Variants in MKLN1 observed in about 807,000 individuals in gnomAD.
MKLN1 encodes the protein muskelin.
Under a neutral mutation model 99.0 loss-of-function variants are expected in MKLN1, and 18 were observed. That is an observed-to-expected ratio of 0.18 (90% confidence interval 0.13 to 0.27). The LOEUF is 0.27. Ranked by LOEUF, MKLN1 falls within the 10% of genes least tolerant of loss-of-function variation. The probability of loss-of-function intolerance (pLI) is 1.00; values close to 1 mark genes in which losing one functional copy is unlikely to be tolerated. For synonymous variants in MKLN1, 288 were observed against 293.2 expected, an observed-to-expected ratio of 0.98 and a Z score of 0.18; for missense variants, 621 against 875.9, an observed-to-expected ratio of 0.71 and a Z score of 3.67.
intron 1 of MKLN1, among the ~76,000 whole-genome samples, chr7:131,344,455 G>A (rs986488215): frequency 8.5e-5 from 13 of 152,116 alleles, no homozygotes; most frequent in Non-Finnish European, 1.5e-5. Context: ...AAAATTTTAA[G>A]TACTCTTATG....
chr7:131,324,351 C>G (rs1798842378), upstream of MKLN1: 1 of 152,218 alleles, frequency 6.6e-6, no homozygotes, highest in African/African-American at 2.4e-5. Flanking sequence ...CCAAGCGCTG[C>G]TTTCAGAGAG....
chr7:131,333,435 G>T (rs1269204353), intron 1 of MKLN1, among the ~76,000 whole-genome samples: 1 of 151,950 alleles, frequency 6.6e-6, no homozygotes, highest in Non-Finnish European at 1.5e-5. Context: ...TGTTTAATTG[G>T]TCCCGTGTTA....
chr7:131,354,548 G>A (rs1188123085), intron 1 of MKLN1, among the ~76,000 whole-genome samples: 2 of 151,598 alleles, frequency 1.3e-5, no homozygotes, highest in South Asian at 2.1e-4. Flanking sequence ...GATTTTTCAC[G>A]TAGGCAAATT....
At chr7:131,141,458 C>T (rs957020764) in intron 1 of MKLN1, among the ~76,000 whole-genome samples, 1 of 152,194 alleles carries the variant, frequency 6.6e-6, no homozygotes, top group African/African-American at 2.4e-5. Flanking sequence ...TGTAATCTAT[C>T]ACGACTTTCA....
intron 12 of MKLN1, among the ~76,000 whole-genome samples, chr7:131,455,911 T>C (rs947029867): frequency 5.9e-5 from 9 of 152,108 alleles, no homozygotes; most frequent in African/African-American, 9.7e-5. Context: ...CCTGGTGTGG[T>C]GATGCACGCC....
chr7:131,249,948 G>A (rs552229813), intron 3 of MKLN1, among the ~76,000 whole-genome samples: 1 of 152,290 alleles, frequency 6.6e-6, no homozygotes, highest in African/African-American at 2.4e-5. Context: ...GGGAAGGAGA[G>A]GGGCAGGTCT....
intron 1 of MKLN1, among the ~76,000 whole-genome samples, chr7:131,114,926 ACT>A (rs1342013889): frequency 3.3e-5 from 5 of 150,786 alleles, no homozygotes; most frequent in African/African-American, 1.2e-4. Flanking sequence ...ACAGAGCAAG[ACT>A]CTGTCTCAAG....
chr7:131,399,514 C>A (rs1794468929), intron 6 of MKLN1, 81 bp downstream of exon 6: 3 of 1,157,962 alleles, frequency 2.6e-6, no homozygotes, highest in South Asian at 1.5e-5. Context: ...AGGCTTATGC[C>A]AGTTATTACT....
At chr7:131,148,870 T>C (rs1321370793) in intron 2 of MKLN1, among the ~76,000 whole-genome samples, 1 of 152,222 alleles carries the variant, frequency 6.6e-6, no homozygotes, top group East Asian at 1.9e-4. Flanking sequence ...TGAGAAAGAA[T>C]TGGTTTTTAA....
chr7:131,194,261 C>T (rs747055645), intron 2 of MKLN1, among the ~76,000 whole-genome samples: 1 of 152,138 alleles, frequency 6.6e-6, no homozygotes, highest in Non-Finnish European at 1.5e-5. Context: ...AAAGGAAACC[C>T]CATGTCCATT....
intron 1 of MKLN1, among the ~76,000 whole-genome samples, chr7:131,335,917 G>A (rs1294966663): frequency 6.6e-6 from 1 of 151,196 alleles, no homozygotes; most frequent in Non-Finnish European, 1.5e-5. Context: ...TGTCTTCTAT[G>A]TACTTTGTTA....
chr7:131,476,300 T>C (rs1371571852), intron 16 of MKLN1, among the ~76,000 whole-genome samples: 1 of 152,054 alleles, frequency 6.6e-6, no homozygotes, highest in Non-Finnish European at 1.5e-5. Flanking sequence ...CACTAGCTAG[T>C]GTAATAAAGA....
chr7:131,429,268 A>T (rs1795453796), intron 9 of MKLN1, 123 bp downstream of exon 9: 1 of 603,700 alleles, frequency 1.7e-6, no homozygotes, highest in Admixed American at 3.5e-5. Context: ...AATTTGTGGT[A>T]AACAAGTTTT....
intron 2 of MKLN1, among the ~76,000 whole-genome samples, chr7:131,184,283 C>T (rs1796417279): frequency 6.6e-6 from 1 of 152,076 alleles, no homozygotes; most frequent in African/African-American, 2.4e-5. Flanking sequence ...CACCACTGTG[C>T]CTGGCTTTAT....
intron 2 of MKLN1, among the ~76,000 whole-genome samples, chr7:131,385,920 A>G (rs1011535812): frequency 6.6e-6 from 1 of 151,972 alleles, no homozygotes. Context: ...TGTCATATCT[A>G]AGAATCCGGT....
rs1797525854 is a variant in MKLN1, at chr7:131,495,244, TTAGA to T, written c.*7518_*7521del. On this transcript the variant is annotated 3_prime_UTR_variant, in exon 18 of 18. Transcript: ENST00000352689. ...CTCAAAACCAAAATTGGACTGAAAATTAGATTGAGAAGAAAGATACAACTTCCTC... is the reference window on the plus strand; with the variant it reads ...CTCAAAACCAAAATTGGACTGAAAATTTGAGAAGAAAGATACAACTTCCTC... 6.6e-6 allele frequency: 1 copy of T among 152,104 alleles called. No homozygotes were observed. The highest frequency in any genetic ancestry group is 1.5e-5 in the Non-Finnish European group (1 of 68,016). The allele number at this position is 152,104 out of a possible 1,614,324, so 9.4% of individuals were successfully genotyped here.
intron 1 of MKLN1, among the ~76,000 whole-genome samples, chr7:131,132,947 A>AAAAAGAAAG (rs1795578833): frequency 1.8e-5 from 1 of 56,606 alleles, no homozygotes; most frequent in Non-Finnish European, 2.9e-5. Flanking sequence ...AAAAAAAAAA[A>AAAAAGAAAG]AAAGAAAGAA....
chr7:131,148,951 C>T (rs977150818), intron 2 of MKLN1, among the ~76,000 whole-genome samples: 5 of 151,998 alleles, frequency 3.3e-5, no homozygotes, highest in African/African-American at 9.7e-5. Flanking sequence ...CCTATATGAT[C>T]GAAGATATTG....
intron 3 of MKLN1, among the ~76,000 whole-genome samples, chr7:131,319,939 A>C (rs1245531348): frequency 6.6e-6 from 1 of 152,240 alleles, no homozygotes; most frequent in African/African-American, 2.4e-5. Context: ...GGACTCAAAC[A>C]AATGGAAAAA....
Sources: allele counts gnomAD v4.1 joint callset (sites outside exome capture counted in the v4.1 genomes callset), GRCh38; gene constraint gnomAD v4.1.1; transcripts MANE v1.5; gene names NCBI Gene and HGNC (gene_info 2026-07-23, HGNC 2026-07-21).